The following PDE1C variants were observed in gnomAD, a reference collection of about 807,000 sequenced individuals.
PDE1C encodes dual specificity calcium/calmodulin-dependent 3',5'-cyclic nucleotide phosphodiesterase 1C.
In PDE1C, 62 loss-of-function variants were observed where a neutral mutation model predicts 93.1. The observed-to-expected ratio is 0.67, with a 90% confidence interval of 0.54 to 0.82. The LOEUF (loss-of-function observed/expected upper bound fraction) is 0.82. PDE1C is among the 40% of genes least tolerant of loss of function. The probability of loss-of-function intolerance (pLI) is 0.00; values close to 1 mark genes in which losing one functional copy is unlikely to be tolerated. For missense variants in PDE1C, 742 were observed against 884.6 expected, an observed-to-expected ratio of 0.84 and a Z score of 2.04; for synonymous variants, 325 against 310.1, an observed-to-expected ratio of 1.05 and a Z score of -0.50.
At chr7:31,623,804 T>G in the PDE1C span, among the ~76,000 whole-genome samples, 5 of 152,176 alleles carry the variant, frequency 3.3e-5, no homozygotes, top group East Asian at 9.7e-4. Context: ...TAAAGGGTAT[T>G]CAATTAGGAA....
At chr7:32,062,729 T>A (rs1296449612) in intron 1 of PDE1C, among the ~76,000 whole-genome samples, 2 of 152,098 alleles carry the variant, frequency 1.3e-5, no homozygotes, top group Non-Finnish European at 2.9e-5. Flanking sequence ...AGGCTGAACA[T>A]CCCCCGAGGG....
At chr7:32,183,847 C>G (rs1279269300) in intron 2 of PDE1C, among the ~76,000 whole-genome samples, 1 of 152,092 alleles carries the variant, frequency 6.6e-6, no homozygotes, top group Non-Finnish European at 1.5e-5. Context: ...AAGAAACTAC[C>G]ATCAGAGTGA....
chr7:32,275,978 T>G (rs550711586), intron 1 of PDE1C, among the ~76,000 whole-genome samples: 1 of 152,358 alleles, frequency 6.6e-6, no homozygotes, highest in South Asian at 2.1e-4. Context: ...GTTGGCATAC[T>G]TTAATTATGA....
intron 1 of PDE1C, among the ~76,000 whole-genome samples, chr7:32,214,056 A>G (rs1198806533): frequency 6.6e-6 from 1 of 152,194 alleles, no homozygotes; most frequent in Non-Finnish European, 1.5e-5. Flanking sequence ...CAAAATATAC[A>G]TATTATTTTG....
intron 3 of PDE1C, among the ~76,000 whole-genome samples, chr7:32,131,230 C>T (rs1045617650): frequency 3.3e-5 from 5 of 152,084 alleles, no homozygotes; most frequent in Non-Finnish European, 7.4e-5. Flanking sequence ...TCACACACAC[C>T]CATTAGAGCA....
intron 1 of PDE1C, among the ~76,000 whole-genome samples, chr7:32,267,584 A>T (rs62457477): frequency 0.022 from 2,471 of 112,660 alleles, 32 homozygotes; most frequent in East Asian, 0.085. Context: ...ACACACACAC[A>T]CACTCTCTCT....
chr7:32,207,366 A>AC (rs1805656793), intron 2 of PDE1C, among the ~76,000 whole-genome samples: 1 of 150,978 alleles, frequency 6.6e-6, no homozygotes, highest in African/African-American at 2.5e-5. Context: ...AAAAAAAAAA[A>AC]AAAAAACTTA....
intron 2 of PDE1C, among the ~76,000 whole-genome samples, chr7:32,200,375 T>C (rs1421807953): frequency 6.6e-6 from 1 of 152,222 alleles, no homozygotes; most frequent in African/African-American, 2.4e-5. Context: ...AGGCTCAAAG[T>C]GTTCCTGGAC....
At chr7:32,173,429 G>A (rs57170055) in intron 2 of PDE1C, among the ~76,000 whole-genome samples, 3,894 of 151,814 alleles carry the variant, frequency 0.026, 186 homozygotes, top group African/African-American at 0.088. Flanking sequence ...CATGGTACAC[G>A]TATACCTATG....
At chr7:31,744,998 C>T in the PDE1C span, among the ~76,000 whole-genome samples, 15 of 151,446 alleles carry the variant, frequency 9.9e-5, no homozygotes, top group African/African-American at 3.4e-4. Flanking sequence ...TTGAAAGATA[C>T]GACATTTCAA....
chr7:32,377,039 A>T (rs1342871425), intron 1 of PDE1C, among the ~76,000 whole-genome samples: 1 of 151,794 alleles, frequency 6.6e-6, no homozygotes, highest in Non-Finnish European at 1.5e-5. Context: ...CACCATGTGT[A>T]CTCCCAAGGA....
At chr7:32,413,438 T>C (rs1785213477) in intron 1 of PDE1C, among the ~76,000 whole-genome samples, 1 of 152,210 alleles carries the variant, frequency 6.6e-6, no homozygotes, top group African/African-American at 2.4e-5. Context: ...AGATGAATCT[T>C]TGAGACATTA....
At chr7:31,854,867 G>C (rs1213734439) in intron 7 of PDE1C, among the ~76,000 whole-genome samples, 2 of 152,102 alleles carry the variant, frequency 1.3e-5, no homozygotes. Context: ...AGGAGTTCAA[G>C]ACCAGACTGG....
chr7:32,367,695 C>A (rs558161530), intron 1 of PDE1C, among the ~76,000 whole-genome samples: 1 of 152,202 alleles, frequency 6.6e-6, no homozygotes, highest in South Asian at 2.1e-4. Flanking sequence ...GTAACCCCAG[C>A]ACTTTGGGAG....
rs571304972 is a variant in PDE1C, at chr7:32,227,870, G to A, written c.86-18331C>T. On this transcript the variant is annotated intron_variant, in intron 1 of 18. Transcript: ENST00000396193. ...AGACATGCAAGCAGCCCTGGGGAGG[G>A]GTGCATCTGGGGAAGAACAGAGGCC... Among the ~76,000 whole-genome samples, 25 of 152,260 alleles carry A rather than the reference G, an allele frequency of 1.6e-4. No homozygotes were observed. In the South Asian group the frequency reaches 5.2e-3, roughly 32 times the overall value.
chr7:31,914,116 C>T (rs1362264806), intron 2 of PDE1C, among the ~76,000 whole-genome samples: 1 of 152,174 alleles, frequency 6.6e-6, no homozygotes, highest in Non-Finnish European at 1.5e-5. Flanking sequence ...AAATGGTTTT[C>T]AAGCAACTCC....
At chr7:32,308,468 T>C (rs1009329088) in intron 1 of PDE1C, among the ~76,000 whole-genome samples, 2 of 152,220 alleles carry the variant, frequency 1.3e-5, no homozygotes, top group African/African-American at 4.8e-5. Flanking sequence ...GCAGCCTAAC[T>C]GGGAGGCACC....
chr7:31,894,307 G>A (rs1243968554), intron 2 of PDE1C, among the ~76,000 whole-genome samples: 2 of 152,210 alleles, frequency 1.3e-5, no homozygotes, highest in Non-Finnish European at 2.9e-5. Context: ...CAGGAGAGGG[G>A]CATCTGCCCT....
intron 1 of PDE1C, among the ~76,000 whole-genome samples, chr7:32,295,720 C>T (rs533700819): frequency 9.2e-5 from 14 of 151,880 alleles, no homozygotes; most frequent in African/African-American, 2.9e-4. Flanking sequence ...TGAAACCCCA[C>T]CTCTACTAAA....
Sources: gnomAD v4.1 joint callset for allele counts (sites outside exome capture counted in the v4.1 genomes callset) on GRCh38, gnomAD v4.1.1 for gene constraint, MANE v1.5 for transcripts, NCBI Gene and HGNC (gene_info 2026-07-23, HGNC 2026-07-21) for gene names.